ROBO2: variants seen among roughly 807,000 people sequenced by gnomAD.
The protein encoded by ROBO2 is roundabout guidance receptor 2, also known as roundabout homolog 2.
A neutral mutation model predicts 160.8 loss-of-function variants in ROBO2; 53 were observed. The observed-to-expected ratio is 0.33, with a 90% CI of 0.26 to 0.41. The LOEUF (loss-of-function observed/expected upper bound fraction) is 0.41, where lower values mean the gene tolerates loss of function less well. ROBO2 is among the 10% of genes least tolerant of loss of function. The pLI, the probability that ROBO2 is intolerant of heterozygous loss-of-function variation, is 1.00. For synonymous variants in ROBO2, 664 were observed against 611.7 expected, an observed-to-expected ratio of 1.09 and a Z score of -1.26; for missense variants, 1,577 against 1,722.4, an observed-to-expected ratio of 0.92 and a Z score of 1.49.
chr3:76,201,360 T>C (rs949319484), intron 2 of ROBO2, among the ~76,000 whole-genome samples: 3 of 152,180 alleles, frequency 2.0e-5, no homozygotes, highest in Non-Finnish European at 4.4e-5. Flanking sequence ...CTTAGGACCG[T>C]CATGCATTGA....
intron 2 of ROBO2, among the ~76,000 whole-genome samples, chr3:76,497,327 C>A (rs2080207539): frequency 6.6e-6 from 1 of 152,092 alleles, no homozygotes; most frequent in South Asian, 2.1e-4. Context: ...TCCCAAGTAT[C>A]CTGGAGTACA....
chr3:77,020,436 T>C (rs754867432), intron 2 of ROBO2, among the ~76,000 whole-genome samples: 39 of 152,192 alleles, frequency 2.6e-4, no homozygotes, highest in Non-Finnish European at 5.4e-4. Context: ...TCATGCTCTT[T>C]GAGTCAGTAA....
intron 2 of ROBO2, among the ~76,000 whole-genome samples, chr3:76,535,267 A>G (rs761334542): frequency 2.6e-5 from 4 of 151,958 alleles, no homozygotes; most frequent in Non-Finnish European, 5.9e-5. Flanking sequence ...AGCCTGTGGG[A>G]CTTGTCTGGT....
At chr3:76,177,612 A>G (rs573074064) in intron 2 of ROBO2, among the ~76,000 whole-genome samples, 21 of 152,134 alleles carry the variant, frequency 1.4e-4, no homozygotes, top group Admixed American at 1.2e-3. Flanking sequence ...TTTTTGGCTT[A>G]TTACCTTTTT....
At chr3:76,183,395 A>G (rs1273061588) in intron 2 of ROBO2, among the ~76,000 whole-genome samples, 1 of 152,150 alleles carries the variant, frequency 6.6e-6, no homozygotes, top group Non-Finnish European at 1.5e-5. Context: ...CAACCTCTCA[A>G]TGGGAGAAAT....
intron 2 of ROBO2, among the ~76,000 whole-genome samples, chr3:76,259,976 A>G (rs368524784): frequency 2.5e-4 from 38 of 152,164 alleles, no homozygotes; most frequent in African/African-American, 8.9e-4. Flanking sequence ...GTTTATGACA[A>G]TCTGGTATGA....
At chr3:76,300,046 T>TA (rs1447295792) in intron 2 of ROBO2, among the ~76,000 whole-genome samples, 1 of 152,142 alleles carries the variant, frequency 6.6e-6, no homozygotes, top group African/African-American at 2.4e-5. Flanking sequence ...TAACATCCAA[T>TA]AATTAGCTTT....
At chr3:77,451,058 A>G (rs1312517886) in intron 2 of ROBO2, among the ~76,000 whole-genome samples, 1 of 152,074 alleles carries the variant, frequency 6.6e-6, no homozygotes, top group Non-Finnish European at 1.5e-5. Context: ...TCCTGATACC[A>G]CTTTTCAAAA....
intron 2 of ROBO2, among the ~76,000 whole-genome samples, chr3:76,108,073 G>A (rs192378679): frequency 6.6e-6 from 1 of 151,924 alleles, no homozygotes. Flanking sequence ...TTTATTAGAT[G>A]CTCTATCTAC....
chr3:76,945,215 G>GGGTCCTA (rs2078455515), intron 2 of ROBO2, among the ~76,000 whole-genome samples: 1 of 152,086 alleles, frequency 6.6e-6, no homozygotes, highest in Non-Finnish European at 1.5e-5. Context: ...CGCCAGTTTA[G>GGGTCCTA]GGTCCTAGGT....
intron 2 of ROBO2, among the ~76,000 whole-genome samples, chr3:77,287,421 C>T (rs1435333645): frequency 7.4e-6 from 1 of 135,070 alleles, no homozygotes; most frequent in Non-Finnish European, 1.7e-5. Context: ...TTTTGTAATA[C>T]AACATTTTTT....
chr3:77,363,743 G>T (rs985273526), intron 2 of ROBO2, among the ~76,000 whole-genome samples: 1 of 152,156 alleles, frequency 6.6e-6, no homozygotes, highest in Non-Finnish European at 1.5e-5. Context: ...CTGGAATGAG[G>T]GTCTTCAAGG....
At chr3:76,434,376 T>C in intron 2 of ROBO2, 1 of 1,544,184 alleles carries the variant, frequency 6.5e-7, no homozygotes. Flanking sequence ...GGCAGCAAGT[T>C]GTTTAATCAC....
chr3:77,090,873 T>C (rs1001250573), intron 1 of ROBO2, among the ~76,000 whole-genome samples: 3 of 152,204 alleles, frequency 2.0e-5, no homozygotes, highest in Non-Finnish European at 4.4e-5. Flanking sequence ...TGGAGAATCT[T>C]CCTGGGTTAA....
At chr3:76,135,223 C>A (rs888810465) in intron 2 of ROBO2, among the ~76,000 whole-genome samples, 2 of 151,956 alleles carry the variant, frequency 1.3e-5, no homozygotes, top group Non-Finnish European at 2.9e-5. Flanking sequence ...GGAATCTGAT[C>A]CAGCTTTGTG....
chr3:76,859,619 C>A (rs776676075), intron 2 of ROBO2, among the ~76,000 whole-genome samples: 1 of 152,168 alleles, frequency 6.6e-6, no homozygotes, highest in Admixed American at 6.5e-5. Context: ...GCCCCACCAT[C>A]GGGGACCCTG....
intron 2 of ROBO2, among the ~76,000 whole-genome samples, chr3:76,543,415 G>C (rs2082922172): frequency 6.6e-6 from 1 of 152,094 alleles, no homozygotes; most frequent in Non-Finnish European, 1.5e-5. Context: ...GGACACAGCA[G>C]GAAGCTATTG....
At chr3:77,078,441 T>C (rs2068254606) in intron 1 of ROBO2, among the ~76,000 whole-genome samples, 1 of 152,172 alleles carries the variant, frequency 6.6e-6, no homozygotes, top group Non-Finnish European at 1.5e-5. Context: ...AGTTAGCAAT[T>C]TGCCCACAGT....
At chr3:76,736,400 G>A (rs2107953279) in intron 2 of ROBO2, among the ~76,000 whole-genome samples, 1 of 152,232 alleles carries the variant, frequency 6.6e-6, no homozygotes, top group Non-Finnish European at 1.5e-5. Context: ...GTGGTTTGGG[G>A]GCATTTTCAC....
Sources: gnomAD v4.1 joint callset for allele counts (sites outside exome capture counted in the v4.1 genomes callset) on GRCh38, gnomAD v4.1.1 for gene constraint, MANE v1.5 for transcripts, NCBI Gene and HGNC (gene_info 2026-07-23, HGNC 2026-07-21) for gene names.